ECHS1: variants seen among roughly 807,000 people sequenced by gnomAD.
ECHS1 encodes the protein enoyl-CoA hydratase, short chain 1, also known as enoyl-CoA hydratase, mitochondrial.
Under a neutral mutation model 33.5 loss-of-function variants are expected in ECHS1, and 19 were observed. That is an observed-to-expected ratio of 0.57 (90% CI 0.40 to 0.83). The LOEUF (loss-of-function observed/expected upper bound fraction) is 0.83, where lower values mean the gene tolerates loss of function less well. Ranked by LOEUF, ECHS1 falls within the 40% of genes least tolerant of loss-of-function variation. The pLI, the probability that ECHS1 is intolerant of heterozygous loss-of-function variation, is 0.00. For synonymous variants in ECHS1, 158 were observed against 146.6 expected, an observed-to-expected ratio of 1.08 and a Z score of -0.56; for missense variants, 365 against 381.3, an observed-to-expected ratio of 0.96 and a Z score of 0.36.
chr10:133,373,349 T>C lies in ECHS1; in HGVS notation c.-16A>G. 3 of 1,492,008 alleles carry C rather than the reference T, an allele frequency of 2.0e-6. No individual in the cohort carries two copies. The highest frequency in any genetic ancestry group is 2.7e-6 in the Non-Finnish European group (3 of 1,127,486). The allele number at this position is 1,492,008 out of a possible 1,614,324, so 92.4% of individuals were successfully genotyped here. A position where few individuals can be genotyped will look rare whatever the true frequency, so the allele number is the denominator to read the frequency against. ...GGGCGGCCATGGCTCTCTGGACTCC[T>C]CGCCCGGCCCCGCGGAGCCGCCCCC... On this transcript the variant is annotated 5_prime_UTR_variant, in exon 1 of 8. Coordinates refer to ENST00000368547, the MANE Select transcript of ECHS1 (RefSeq NM_004092.4).
At chr10:133,363,657 A>ATG (rs1564802789) in intron 7 of ECHS1, among the ~76,000 whole-genome samples, 5 of 152,124 alleles carry the variant, frequency 3.3e-5, no homozygotes, top group Middle Eastern at 3.4e-3. Context: ...GGTGGTGGGC[A>ATG]CCTGTAATCC....
Position 133,373,324 on chromosome 10 carries a change from GGGCGGCCAT to G in ECHS1, c.1_9del (p.MetAlaAla1_?3). The stretch of plus-strand genomic sequence containing the variant: ...CGGACGCAGGACAGCAGGACACGCA[GGGCGGCCAT>G]GGCTCTCTGGACTCCTCGCCCGGCC... On this transcript the variant is annotated start_lost and inframe_deletion, in exon 1 of 8. Transcript: ENST00000368547. 6.7e-7 allele frequency: 1 copy of G among 1,503,204 alleles called. No individual in the cohort carries two copies. Among genetic ancestry groups the G allele is most frequent in the Non-Finnish European group, 8.8e-7 (1 of 1,132,092 alleles). 93.1% of individuals were successfully genotyped at this position (1,503,204 alleles called of 1,614,324 possible).
At chr10:133,370,335 C>T (rs1172376317) in intron 2 of ECHS1, among the ~76,000 whole-genome samples, 1 of 152,246 alleles carries the variant, frequency 6.6e-6, no homozygotes, top group African/African-American at 2.4e-5. Context: ...GACCTAAACC[C>T]CTTTGAAGAA....
chr10:133,364,835 G>T, intron 6 of ECHS1, 110 bp from the exon 7 acceptor site: 1 of 841,684 alleles, frequency 1.2e-6, no homozygotes, highest in South Asian at 1.5e-5. Flanking sequence ...TGCTTTCGAC[G>T]TGGCCCAGCC....
intron 4 of ECHS1, among the ~76,000 whole-genome samples, chr10:133,368,315 G>A (rs1035398571): frequency 1.3e-5 from 2 of 152,128 alleles, no homozygotes; most frequent in African/African-American, 2.4e-5. Context: ...CAAATGCACC[G>A]AGCTCACAGC....
At position 133,362,877 on chromosome 10, in the gene ECHS1, T is replaced by A; in HGVS notation, c.864A>T (p.Lys288Asn). Residue 288 changes from lysine (K) to asparagine (N), a missense_variant, in exon 8 of 8, where the codon AAA becomes AAT. Coordinates refer to ENST00000368547, the MANE Select transcript of ECHS1 (RefSeq NM_004092.4). ...CAGGGGCAGCTGGTTCTCACTGGTC[T>A]TTGAAGTTGGCCTTTCTCTTTTCCA... ...AFVEKRKANF[K>N]DQ The A allele has an allele frequency of 1.2e-6, 2 of 1,614,188 alleles. No individual in the cohort carries two copies. The highest frequency in any genetic ancestry group is 1.7e-6 in the Non-Finnish European group (2 of 1,180,038).
Position 133,364,742 on chromosome 10 carries a change from C to T in ECHS1, c.740-17G>A. The T allele has an allele frequency of 6.2e-7, 1 of 1,606,924 alleles. No individual in the cohort carries two copies. The highest frequency in any genetic ancestry group is 8.5e-7 in the Non-Finnish European group (1 of 1,173,698). On this transcript the variant is annotated splice_polypyrimidine_tract_variant and intron_variant, in intron 6 of 7. Coordinates refer to ENST00000368547, the MANE Select transcript of ECHS1 (RefSeq NM_004092.4). ...TTTCAAAAGCTGAAAAACAAAGTCC[C>T]AGAGTTATGAACGGAGATATTACAT...
intron 7 of ECHS1, 83 bp downstream of exon 7, chr10:133,364,575 A>T: frequency 1.8e-6 from 2 of 1,107,298 alleles, no homozygotes; most frequent in Non-Finnish European, 2.7e-6. Flanking sequence ...AACGATACTT[A>T]ATGATAAAAT....
At chr10:133,372,493 G>A (rs545353688) in intron 1 of ECHS1, among the ~76,000 whole-genome samples, 1 of 152,210 alleles carries the variant, frequency 6.6e-6, no homozygotes, top group Admixed American at 6.5e-5. Flanking sequence ...TGCATCTCCT[G>A]TTCTCGGGCT....
chr10:133,366,616 G>C (rs1256002427), intron 5 of ECHS1, among the ~76,000 whole-genome samples: 1 of 148,030 alleles, frequency 6.8e-6, no homozygotes, highest in Non-Finnish European at 1.5e-5. Context: ...GGGCTCCCAC[G>C]AGGGGGACAC....
chr10:133,368,030 G>A (rs1486253979), intron 4 of ECHS1, among the ~76,000 whole-genome samples: 2 of 152,120 alleles, frequency 1.3e-5, no homozygotes, highest in African/African-American at 4.8e-5. Context: ...CCTCTTGATG[G>A]TATTGGTCCC....
intron 7 of ECHS1, among the ~76,000 whole-genome samples, chr10:133,363,650 G>C (rs750820497): frequency 1.3e-5 from 2 of 152,106 alleles, no homozygotes; most frequent in African/African-American, 2.4e-5. Flanking sequence ...CAGGTGTGGT[G>C]GTGGGCACCT....
intron 3 of ECHS1, among the ~76,000 whole-genome samples, chr10:133,369,355 CCCT>C (rs2133442243): frequency 3.4e-5 from 1 of 29,742 alleles, no homozygotes; most frequent in South Asian, 1.5e-3. Flanking sequence ...ATCCGCAGAC[CCCT>C]GGCTTACACG....
At chr10:133,366,150 T>A in intron 5 of ECHS1, 55 bp from the exon 6 acceptor site, 11 of 1,584,186 alleles carry the variant, frequency 6.9e-6, no homozygotes, top group Non-Finnish European at 9.4e-6. Flanking sequence ...TGTCTATCCC[T>A]TCTCGAGTGA....
At chr10:133,368,834 G>T in intron 4 of ECHS1, 89 bp downstream of exon 4, 1 of 1,245,154 alleles carries the variant, frequency 8.0e-7, no homozygotes, top group Non-Finnish European at 1.2e-6. Context: ...CAGGGCCTCT[G>T]GTCAGATATG....
At position 133,362,753 on chromosome 10, in the gene ECHS1, G is replaced by C; in HGVS notation, c.*115C>G. On this transcript the variant is annotated 3_prime_UTR_variant, in exon 8 of 8. Transcript: ENST00000368547. ...GCCACGACCACGCAGCAATTGGAGA[G>C]GAACTGCACACCACGGACACTGCTC... The C allele has an allele frequency of 8.3e-7, 1 of 1,208,854 alleles. No homozygotes were observed. The highest frequency in any genetic ancestry group is 2.3e-5 in the East Asian group (1 of 42,656). The allele number at this position is 1,208,854 out of a possible 1,614,324, so 74.9% of individuals were successfully genotyped here.
intron 6 of ECHS1, among the ~76,000 whole-genome samples, chr10:133,364,942 C>T (rs543744719): frequency 1.3e-5 from 2 of 152,178 alleles, no homozygotes; most frequent in African/African-American, 2.4e-5. Flanking sequence ...AAACGTCACA[C>T]TCCGGTAGCC....
At chr10:133,365,860 C>G (rs1007420765) in intron 6 of ECHS1, 116 bp downstream of exon 6, 22 of 1,315,724 alleles carry the variant, frequency 1.7e-5, no homozygotes, top group Non-Finnish European at 2.2e-5. Flanking sequence ...CACTGAGAAG[C>G]ATTTCTGCCC....
intron 7 of ECHS1, among the ~76,000 whole-genome samples, chr10:133,363,380 C>CTGT (rs56046171): frequency 0.066 from 10,007 of 150,994 alleles, 368 homozygotes; most frequent in East Asian, 0.12. Flanking sequence ...CACACACACA[C>CTGT]ACACGCATCT....
Sources: gnomAD v4.1 joint callset for allele counts (sites outside exome capture counted in the v4.1 genomes callset) on GRCh38, gnomAD v4.1.1 for gene constraint, MANE v1.5 for transcripts, NCBI Gene and HGNC (gene_info 2026-07-23, HGNC 2026-07-21) for gene names.